The following RYR3 variants were observed in gnomAD, a reference collection of about 807,000 sequenced individuals.
RYR3 encodes ryanodine receptor 3.
Under a neutral mutation model 584.3 loss-of-function variants are expected in RYR3, and 207 were observed. That is an observed-to-expected ratio of 0.35 (90% CI 0.32 to 0.40). The LOEUF (loss-of-function observed/expected upper bound fraction) is 0.40. Among genes scored for constraint, RYR3 ranks in the 10% least tolerant of loss-of-function variants. RYR3 has a pLI of 1.00. For missense variants in RYR3, 5,616 were observed against 6,089.2 expected (o/e 0.92, Z 2.59); for synonymous variants, 2,416 against 2,248.5 (o/e 1.07, Z -2.11).
At chr15:33,760,948 C>T (rs549904228) in intron 60 of RYR3, among the ~76,000 whole-genome samples, 1 of 152,332 alleles carries the variant, frequency 6.6e-6, no homozygotes, top group South Asian at 2.1e-4. Flanking sequence ...AAGAAACTCA[C>T]TCAAAACTGC....
At chr15:33,382,016 G>C (rs1042634325) in intron 1 of RYR3, among the ~76,000 whole-genome samples, 1 of 152,110 alleles carries the variant, frequency 6.6e-6, no homozygotes, top group African/African-American at 2.4e-5. Flanking sequence ...TTCAGAAGAG[G>C]GGTGTCAAAA....
intron 1 of RYR3, among the ~76,000 whole-genome samples, chr15:33,343,449 G>T (rs1462192075): frequency 6.6e-6 from 1 of 152,122 alleles, no homozygotes. Context: ...TCACACAAGA[G>T]AATCTATTTT....
At chr15:33,622,774 G>A (rs887202945) in intron 19 of RYR3, among the ~76,000 whole-genome samples, 1 of 152,166 alleles carries the variant, frequency 6.6e-6, no homozygotes, top group African/African-American at 2.4e-5. Context: ...TGGAAAACTG[G>A]TTGTATTTCC....
intron 50 of RYR3, among the ~76,000 whole-genome samples, chr15:33,739,473 G>A (rs1438440326): frequency 2.6e-5 from 4 of 151,514 alleles, no homozygotes; most frequent in African/African-American, 7.3e-5. Context: ...TATAAGTTGG[G>A]TCCGTTTCTG....
At chr15:33,564,566 A>G (rs149991688) in intron 11 of RYR3, among the ~76,000 whole-genome samples, 12 of 152,318 alleles carry the variant, frequency 7.9e-5, no homozygotes, top group African/African-American at 2.2e-4. Flanking sequence ...TAAATCCTCT[A>G]TAGAGTGCAG....
intron 3 of RYR3, among the ~76,000 whole-genome samples, chr15:33,508,522 C>T (rs1383218650): frequency 6.6e-6 from 1 of 151,974 alleles, no homozygotes; most frequent in African/African-American, 2.4e-5. Flanking sequence ...TGGTGGCGGG[C>T]GCCTGTAGTC....
intron 50 of RYR3, among the ~76,000 whole-genome samples, chr15:33,739,108 A>G (rs1314207588): frequency 6.6e-6 from 1 of 152,150 alleles, no homozygotes; most frequent in South Asian, 2.1e-4. Context: ...CCTTACTTGA[A>G]CGGTGTGATT....
intron 36 of RYR3, 52 bp from the exon 37 acceptor site, chr15:33,669,302 C>T: frequency 6.9e-7 from 1 of 1,442,878 alleles, no homozygotes; most frequent in African/African-American, 1.4e-5. Flanking sequence ...GATCTGAGTT[C>T]CCTTGGCCAA....
chr15:33,472,028 T>C (rs1031050084), intron 1 of RYR3, among the ~76,000 whole-genome samples: 1 of 152,232 alleles, frequency 6.6e-6, no homozygotes, highest in Non-Finnish European at 1.5e-5. Flanking sequence ...AGTGATATTC[T>C]GGAGTTTTCT....
intron 64 of RYR3, among the ~76,000 whole-genome samples, chr15:33,779,988 G>C (rs919056698): frequency 5.3e-5 from 8 of 152,186 alleles, no homozygotes; most frequent in Admixed American, 2.6e-4. Context: ...TCCAGCCTGG[G>C]TGACAGAGCA....
intron 45 of RYR3, among the ~76,000 whole-genome samples, chr15:33,726,064 C>T (rs1216696150): frequency 3.3e-5 from 5 of 150,566 alleles, no homozygotes; most frequent in Admixed American, 6.7e-5. Flanking sequence ...TGAGCACTTC[C>T]GGCAGTGCAG....
chr15:33,605,622 T>C (rs1164622474), intron 18 of RYR3, among the ~76,000 whole-genome samples: 3 of 152,208 alleles, frequency 2.0e-5, no homozygotes, highest in Non-Finnish European at 4.4e-5. Flanking sequence ...ATACGTTTCA[T>C]TCTCACCAAA....
At chr15:33,791,092 G>A (rs72715167) in intron 67 of RYR3, among the ~76,000 whole-genome samples, 1,981 of 152,320 alleles carry the variant, frequency 0.013, 23 homozygotes, top group Middle Eastern at 0.024. Context: ...ACTTGGATCT[G>A]GCAATACAGG....
At chr15:33,808,487 C>G (rs1306467029) in intron 70 of RYR3, among the ~76,000 whole-genome samples, 3 of 152,146 alleles carry the variant, frequency 2.0e-5, no homozygotes, top group Non-Finnish European at 4.4e-5. Context: ...CGTAATTACA[C>G]TTTTGAGCAT....
At chr15:33,811,676 C>G (rs955764751) in intron 72 of RYR3, among the ~76,000 whole-genome samples, 4 of 152,134 alleles carry the variant, frequency 2.6e-5, no homozygotes, top group African/African-American at 9.6e-5. Flanking sequence ...ATGTGAACGT[C>G]AGGCCATAGC....
chr15:33,783,254 G>C (rs1227017759), intron 65 of RYR3, among the ~76,000 whole-genome samples: 1 of 152,202 alleles, frequency 6.6e-6, no homozygotes, highest in Non-Finnish European at 1.5e-5. Flanking sequence ...GTCTCCAGGT[G>C]ATGCTGGTGC....
rs143737733 is a variant in RYR3 at position 33,848,598 on chromosome 15, T to C, written c.13628+177T>C. Among the ~76,000 whole-genome samples the C allele has an allele frequency of 4.7e-4, 72 of 152,324 alleles. No homozygotes were observed. In the East Asian group the frequency reaches 9.0e-3, roughly 19 times the overall value. ...TGCCCATCAAATACTTGTATAGACTTCTATTAGTTTAATGGGGACAGAAGA... is the reference window on the plus strand; with the variant it reads ...TGCCCATCAAATACTTGTATAGACTCCTATTAGTTTAATGGGGACAGAAGA... On this transcript the variant is annotated intron_variant, in intron 94 of 103. Coordinates refer to ENST00000634891, the MANE Select transcript of RYR3 (RefSeq NM_001036.6).
chr15:33,415,744 C>G (rs1334212113), intron 1 of RYR3, among the ~76,000 whole-genome samples: 2 of 152,094 alleles, frequency 1.3e-5, no homozygotes, highest in South Asian at 4.1e-4. Context: ...GGTACATGTG[C>G]AGCTTTGTTA....
At chr15:33,387,666 A>AT (rs1235413100) in intron 1 of RYR3, among the ~76,000 whole-genome samples, 7 of 151,934 alleles carry the variant, frequency 4.6e-5, no homozygotes, top group Non-Finnish European at 1.0e-4. Context: ...ACCTCACAAA[A>AT]AAAAAACAGA....
Sources: allele counts gnomAD v4.1 joint callset (sites outside exome capture counted in the v4.1 genomes callset), GRCh38; gene constraint gnomAD v4.1.1; transcripts MANE v1.5; gene names NCBI Gene and HGNC (gene_info 2026-07-23, HGNC 2026-07-21).